Variants in SLC22A2 observed in about 807,000 individuals in gnomAD.
SLC22A2 encodes solute carrier family 22 member 2, also known as organic cation transporter 2.
A neutral mutation model predicts 60.5 loss-of-function variants in SLC22A2; 46 were observed. That is an observed-to-expected ratio of 0.76 (90% confidence interval 0.60 to 0.97). SLC22A2 has a LOEUF of 0.97. Among genes scored for constraint, SLC22A2 ranks in the 50% least tolerant of loss-of-function variants. The probability of loss-of-function intolerance (pLI) is 0.00; values close to 1 mark genes in which losing one functional copy is unlikely to be tolerated. For missense variants in SLC22A2, 701 were observed against 706.6 expected (o/e 0.99, Z 0.09); for synonymous variants, 303 against 267.0 (o/e 1.13, Z -1.31).
chr6:160,226,550 G>C (rs568700063), intron 9 of SLC22A2, among the ~76,000 whole-genome samples: 1 of 152,094 alleles, frequency 6.6e-6, no homozygotes, highest in Non-Finnish European at 1.5e-5. Flanking sequence ...CCCATTATTT[G>C]TGTACCTCAC....
rs755217303 is a variant in SLC22A2, at chr6:160,258,487, G to A, written c.271C>T (p.Arg91Cys). Reference protein sequence around the residue: ...AGEASPRQCRRYEVDWNQSTF... With the variant: ...AGEASPRQCRCYEVDWNQSTF... The stretch of plus-strand genomic sequence containing the variant: ...CTCTGGTTCCAGTCCACCTCGTAGC[G>A]CCTACACTGTCTTGGGGAGGCTTCG... The change falls in exon 1 of 11, where the codon CGC becomes TGC. Residue 91 changes from arginine to cysteine, a missense_variant. Transcript: ENST00000366953. 6.8e-5 allele frequency: 110 copies of A among 1,614,018 alleles called. No homozygotes were observed. The highest frequency in any genetic ancestry group is 1.5e-4 in the Admixed American group (9 of 60,004).
chr6:160,231,127 T>C (rs1355175496), intron 9 of SLC22A2, among the ~76,000 whole-genome samples: 1 of 151,926 alleles, frequency 6.6e-6, no homozygotes, highest in Non-Finnish European at 1.5e-5. Flanking sequence ...CTTGCCTCCA[T>C]AACTGTTGTG....
At position 160,258,539 on chromosome 6, in the gene SLC22A2, G is replaced by A. The variant is rs1419155596; in HGVS notation, c.219C>T (p.Tyr73=). The A allele has an allele frequency of 6.8e-6, 11 of 1,614,072 alleles. No individual in the cohort carries two copies. Among genetic ancestry groups the A allele is most frequent in the Non-Finnish European group, 9.3e-6 (11 of 1,179,976 alleles). ...CCGCAGGTCCTGGGCCCGGCACCGT[G>A]TAGTTCAGTTCCTCTGCAGGACTCC... The part of the protein sequence containing the change: ...CGWSPAEELN[Y]TVPGPGPAGE... The change falls in exon 1 of 11, where the codon TAC becomes TAT. Residue 73 remains tyrosine (Y), a synonymous_variant. Transcript: ENST00000366953.
At chr6:160,238,582 A>G (rs749103345) in intron 9 of SLC22A2, among the ~76,000 whole-genome samples, 22 of 152,054 alleles carry the variant, frequency 1.4e-4, no homozygotes, top group Non-Finnish European at 2.9e-4. Context: ...GTCTTCTTTG[A>G]TTATCGTTTT....
intron 1 of SLC22A2, 121 bp from the exon 2 acceptor site, chr6:160,256,838 G>A: frequency 1.5e-6 from 1 of 647,490 alleles, no homozygotes; most frequent in Non-Finnish European, 2.8e-6. Flanking sequence ...GAACTGTATA[G>A]TTAAGTGGCA....
At chr6:160,244,274 T>C (rs930979592) in intron 6 of SLC22A2, 1 of 155,838 alleles carries the variant, frequency 6.4e-6, no homozygotes, top group African/African-American at 2.4e-5. Context: ...ACATGGGGTT[T>C]TGCCATGTTA....
At chr6:160,242,178 A>C (rs1783019642) in intron 8 of SLC22A2, 116 bp downstream of exon 8, 1 of 726,596 alleles carries the variant, frequency 1.4e-6, no homozygotes, top group African/African-American at 1.7e-5. Flanking sequence ...ACGTGTTCTC[A>C]CCTTCCCTTA....
chr6:160,240,550 T>G lies in SLC22A2; in HGVS notation c.1501+924A>C, dbSNP rs150952231. Among the ~76,000 whole-genome samples, 6 of 152,314 alleles carry G rather than the reference T, an allele frequency of 3.9e-5. No homozygotes were observed. The East Asian group carries it at 1.2e-3, about 29-fold the overall frequency. The stretch of plus-strand genomic sequence containing the variant: ...GCAGGGGTGGTCCTTTGTAGATAAC[T>G]GAGGCATGATGTATAATGCTTGTAA... On this transcript the variant is annotated intron_variant, in intron 9 of 10. Transcript: ENST00000366953.
At chr6:160,226,868 C>T (rs1203691286) in intron 9 of SLC22A2, among the ~76,000 whole-genome samples, 14 of 152,066 alleles carry the variant, frequency 9.2e-5, no homozygotes, top group Admixed American at 9.2e-4. Flanking sequence ...GGGGGTCAGA[C>T]ATATCTCATT....
At chr6:160,229,328 A>G (rs1782779659) in intron 9 of SLC22A2, among the ~76,000 whole-genome samples, 1 of 151,882 alleles carries the variant, frequency 6.6e-6, no homozygotes, top group Non-Finnish European at 1.5e-5. Context: ...TTTCTCGTAG[A>G]GACAGAGATG....
intron 5 of SLC22A2, among the ~76,000 whole-genome samples, chr6:160,246,432 T>C (rs905713279): frequency 2.0e-5 from 3 of 152,138 alleles, no homozygotes; most frequent in Non-Finnish European, 4.4e-5. Flanking sequence ...TGGATTCTAT[T>C]TAAGAAGGCA....
intron 9 of SLC22A2, among the ~76,000 whole-genome samples, chr6:160,234,803 G>A (rs974017330): frequency 6.6e-6 from 1 of 152,228 alleles, no homozygotes; most frequent in African/African-American, 2.4e-5. Flanking sequence ...AGCCAATGCT[G>A]TAGCTCAATA....
At chr6:160,245,693 CA>C (rs1783082722) in intron 5 of SLC22A2, 148 bp from the exon 6 acceptor site, 8 of 268,326 alleles carry the variant, frequency 3.0e-5, no homozygotes, top group South Asian at 1.0e-4. Flanking sequence ...TGTCCCATTT[CA>C]TTTTTTTTTT....
intron 9 of SLC22A2, among the ~76,000 whole-genome samples, chr6:160,233,706 A>T (rs549996492): frequency 2.5e-4 from 38 of 151,768 alleles, no homozygotes; most frequent in African/African-American, 9.0e-4. Context: ...CAATCATTCT[A>T]TATGACAAAT....
At chr6:160,233,489 A>C (rs1782859401) in intron 9 of SLC22A2, among the ~76,000 whole-genome samples, 1 of 151,832 alleles carries the variant, frequency 6.6e-6, no homozygotes, top group Non-Finnish European at 1.5e-5. Context: ...ACCAACTTTA[A>C]AAAAAGGACT....
intron 6 of SLC22A2, 56 bp downstream of exon 6, chr6:160,245,383 G>T: frequency 1.0e-6 from 1 of 986,140 alleles, no homozygotes; most frequent in Non-Finnish European, 1.6e-6. Flanking sequence ...TCCTTACTAT[G>T]GATGACTGTG....
chr6:160,239,792 C>T (rs1004896291), intron 9 of SLC22A2, among the ~76,000 whole-genome samples: 22 of 152,198 alleles, frequency 1.4e-4, no homozygotes, highest in Admixed American at 1.4e-3. Flanking sequence ...AGAGCTTGTG[C>T]TCTGTCAACT....
rs780658045 is a variant in SLC22A2, at chr6:160,258,654, G to C, written c.104C>G (p.Pro35Arg). 1 of 1,613,828 alleles carries C rather than the reference G, an allele frequency of 6.2e-7. No homozygotes were observed. The change falls in exon 1 of 11, where the codon CCC becomes CGC. Residue 35 changes from proline to arginine, a missense_variant. Transcript: ENST00000366953. The part of the protein sequence containing the change: ...LLALLSATFA[P>R]IYVGIVFLGF... ...CAGGAAGACGATGCCCACGTAGATG[G>C]GCGCGAAGGTAGCCGAGAGCAGAGC...
chr6:160,230,017 C>T (rs1283248021), intron 9 of SLC22A2, among the ~76,000 whole-genome samples: 1 of 151,782 alleles, frequency 6.6e-6, no homozygotes, highest in Non-Finnish European at 1.5e-5. Context: ...TGCAACTCAT[C>T]CCAAATCTTG....
Sources: allele counts gnomAD v4.1 joint callset (sites outside exome capture counted in the v4.1 genomes callset), GRCh38; gene constraint gnomAD v4.1.1; transcripts MANE v1.5; gene names NCBI Gene and HGNC (gene_info 2026-07-23, HGNC 2026-07-21).